The following EIPR1 variants were observed in gnomAD, a reference collection of about 807,000 sequenced individuals.
EIPR1 encodes the protein EARP complex and GARP complex interacting protein 1, also known as EARP and GARP complex-interacting protein 1.
Under a neutral mutation model 48.1 loss-of-function variants are expected in EIPR1, and 25 were observed. The observed-to-expected ratio is 0.52, with a 90% CI of 0.38 to 0.73. The LOEUF is 0.73. EIPR1 is among the 30% of genes least tolerant of loss of function. EIPR1 has a pLI of 0.00. For missense variants in EIPR1, 415 were observed against 506.2 expected, an observed-to-expected ratio of 0.82 and a Z score of 1.73; for synonymous variants, 204 against 201.9, an observed-to-expected ratio of 1.01 and a Z score of -0.09.
At chr2:3,223,896 T>C (rs1357513156) in intron 4 of EIPR1, among the ~76,000 whole-genome samples, 2 of 152,146 alleles carry the variant, frequency 1.3e-5, no homozygotes, top group African/African-American at 4.8e-5. Context: ...ACTCCCCATG[T>C]ATCAAGCAGA....
intron 6 of EIPR1, among the ~76,000 whole-genome samples, chr2:3,194,682 A>G (rs1349034058): frequency 4.5e-5 from 4 of 88,956 alleles, no homozygotes; most frequent in Non-Finnish European, 9.2e-5. Flanking sequence ...ATATATATAC[A>G]GAGAGAGAGA....
intron 4 of EIPR1, among the ~76,000 whole-genome samples, chr2:3,226,341 C>T (rs953266047): frequency 5.3e-5 from 8 of 152,120 alleles, no homozygotes; most frequent in South Asian, 4.1e-4. Flanking sequence ...TGTCTCATTG[C>T]GGTTTTGATT....
At chr2:3,336,994 A>AAAG (rs1670081556) in intron 3 of EIPR1, among the ~76,000 whole-genome samples, 3 of 140,136 alleles carry the variant, frequency 2.1e-5, no homozygotes, top group Admixed American at 7.0e-5. Context: ...GAAAGGAAGA[A>AAAG]GGAAGGGAAA....
At position 3,342,593 on chromosome 2, in the gene EIPR1, C is replaced by T. The variant is rs575309223; in HGVS notation, c.127-4444G>A. 2.5e-4 allele frequency among the ~76,000 whole-genome samples: 38 copies of T among 152,316 alleles called. No homozygotes were observed. In the South Asian group the frequency reaches 7.2e-3, roughly 29 times the overall value. The stretch of plus-strand genomic sequence containing the variant: ...CCAGTCTCCTGCCTCCACCTGGGCC[C>T]GCCTTTCTTCCCATAAAGCTGTTTT... On this transcript the variant is annotated intron_variant, in intron 2 of 8. Coordinates refer to ENST00000382125, the MANE Select transcript of EIPR1 (RefSeq NM_003310.5).
chr2:3,359,537 T>TAA (rs1008334657), intron 1 of EIPR1, among the ~76,000 whole-genome samples: 1 of 151,230 alleles, frequency 6.6e-6, no homozygotes, highest in African/African-American at 2.4e-5. Flanking sequence ...GACACTTCTT[T>TAA]AAAAAAAAAT....
At chr2:3,202,137 C>T (rs1208472861) in intron 5 of EIPR1, among the ~76,000 whole-genome samples, 1 of 152,118 alleles carries the variant, frequency 6.6e-6, no homozygotes, top group African/African-American at 2.4e-5. Flanking sequence ...CGGGGTTTCA[C>T]CATGTTAGCC....
chr2:3,269,455 T>TCG (rs1558263458), intron 3 of EIPR1, among the ~76,000 whole-genome samples: 721 of 50,686 alleles, frequency 0.014, 269 homozygotes, highest in Admixed American at 0.024. Flanking sequence ...CACTCAATCA[T>TCG]CACCACACTC....
At chr2:3,260,976 A>G (rs1182113334) in intron 3 of EIPR1, among the ~76,000 whole-genome samples, 4 of 152,238 alleles carry the variant, frequency 2.6e-5, no homozygotes, top group African/African-American at 9.6e-5. Context: ...GCAGTTGAAC[A>G]TTCACTTACC....
At chr2:3,224,813 C>A (rs1283560227) in intron 4 of EIPR1, among the ~76,000 whole-genome samples, 1 of 152,198 alleles carries the variant, frequency 6.6e-6, no homozygotes, top group Non-Finnish European at 1.5e-5. Flanking sequence ...AATGCCACAA[C>A]CTGCCGGAAC....
At chr2:3,304,695 C>T (rs1456274745) in intron 3 of EIPR1, among the ~76,000 whole-genome samples, 1 of 149,458 alleles carries the variant, frequency 6.7e-6, no homozygotes, top group Non-Finnish European at 1.5e-5. Context: ...GTTCAACCCT[C>T]CACTCCCGTC....
At chr2:3,365,208 C>G (rs1370035313) in intron 1 of EIPR1, among the ~76,000 whole-genome samples, 1 of 151,520 alleles carries the variant, frequency 6.6e-6, no homozygotes. Flanking sequence ...GAGGCCAAGG[C>G]GGAAAGATTG....
chr2:3,322,465 T>G (rs1256217574), intron 3 of EIPR1, among the ~76,000 whole-genome samples: 2 of 152,226 alleles, frequency 1.3e-5, no homozygotes, highest in Non-Finnish European at 2.9e-5. Flanking sequence ...CACGGTTAAG[T>G]TTCCTTTCTT....
chr2:3,237,187 CTGACT>C (rs1225260731), intron 4 of EIPR1, among the ~76,000 whole-genome samples: 1 of 147,348 alleles, frequency 6.8e-6, no homozygotes, highest in Non-Finnish European at 1.5e-5. Flanking sequence ...GAAAGAAGAT[CTGACT>C]TTTCAGGATT....
intron 1 of EIPR1, among the ~76,000 whole-genome samples, chr2:3,363,731 A>G (rs920812636): frequency 1.3e-5 from 2 of 152,010 alleles, no homozygotes; most frequent in Non-Finnish European, 2.9e-5. Context: ...AGAATGGGGT[A>G]AAGATTTGCA....
chr2:3,193,245 G>T (rs1449624833), intron 7 of EIPR1, among the ~76,000 whole-genome samples: 2 of 152,234 alleles, frequency 1.3e-5, no homozygotes, highest in African/African-American at 4.8e-5. Context: ...TATCAGAAGT[G>T]TGCACTACCA....
chr2:3,288,529 C>T (rs1489119603), intron 3 of EIPR1, among the ~76,000 whole-genome samples: 1 of 152,160 alleles, frequency 6.6e-6, no homozygotes, highest in Non-Finnish European at 1.5e-5. Flanking sequence ...GAACACAAGC[C>T]AGGAAGAAAA....
chr2:3,368,690 AC>A (rs1490279594), intron 1 of EIPR1, among the ~76,000 whole-genome samples: 1 of 152,264 alleles, frequency 6.6e-6, no homozygotes, highest in Non-Finnish European at 1.5e-5. Context: ...TGAGATAGTC[AC>A]AAAGAACTAC....
At chr2:3,276,754 C>T (rs1255759057) in intron 3 of EIPR1, among the ~76,000 whole-genome samples, 2 of 152,174 alleles carry the variant, frequency 1.3e-5, no homozygotes, top group African/African-American at 2.4e-5. Flanking sequence ...CAGCGGATGG[C>T]GTTTTCAGTG....
In EIPR1 at chr2:3,267,046, A is replaced by G. The variant is rs1667511115; in HGVS notation, c.260-9591T>C. Among the ~76,000 whole-genome samples the G allele has an allele frequency of 4.6e-5, 7 of 152,168 alleles. No homozygotes were observed. The South Asian group carries it at 1.4e-3, about 32-fold the overall frequency. On this transcript the variant is annotated intron_variant, in intron 3 of 8. Transcript: ENST00000382125. ...GGGAACTACCCCCACACCCTGAATC[A>G]ATGCCAGTCCTACTGGACCCAACAC... is the stretch of plus-strand genomic sequence containing the variant.
Sources: gnomAD v4.1 joint callset for allele counts (sites outside exome capture counted in the v4.1 genomes callset) on GRCh38, gnomAD v4.1.1 for gene constraint, MANE v1.5 for transcripts, NCBI Gene and HGNC (gene_info 2026-07-23, HGNC 2026-07-21) for gene names.